GRID1: variants seen among roughly 807,000 people sequenced by gnomAD.
GRID1 encodes the protein glutamate receptor ionotropic, delta-1.
In GRID1, 28 loss-of-function variants were observed where a neutral mutation model predicts 98.0. The observed-to-expected ratio is 0.29, with a 90% CI of 0.21 to 0.39. The LOEUF (loss-of-function observed/expected upper bound fraction) is 0.39. Among genes scored for constraint, GRID1 ranks in the 10% least tolerant of loss-of-function variants. The probability of loss-of-function intolerance (pLI) is 1.00; values close to 1 mark genes in which losing one functional copy is unlikely to be tolerated. For missense variants in GRID1, 1,111 were observed against 1,340.5 expected (o/e 0.83, Z 2.67); for synonymous variants, 553 against 538.5 (o/e 1.03, Z -0.37).
intron 15 of GRID1, among the ~76,000 whole-genome samples, chr10:85,603,135 A>G (rs1185638726): frequency 6.6e-6 from 1 of 152,236 alleles, no homozygotes; most frequent in Non-Finnish European, 1.5e-5. Flanking sequence ...AAGACTTTGT[A>G]TGATCATCCC....
At chr10:85,905,110 G>T (rs1841441888) in intron 5 of GRID1, among the ~76,000 whole-genome samples, 1 of 151,498 alleles carries the variant, frequency 6.6e-6, no homozygotes, top group Non-Finnish European at 1.5e-5. Context: ...CAGAGAAAAA[G>T]AAGAAACATT....
At chr10:85,769,536 G>T (rs1186409959) in intron 8 of GRID1, among the ~76,000 whole-genome samples, 2 of 152,256 alleles carry the variant, frequency 1.3e-5, no homozygotes, top group African/African-American at 4.8e-5. Context: ...GCCTCACTCG[G>T]AAGTGCAAGG....
intron 8 of GRID1, among the ~76,000 whole-genome samples, chr10:85,849,816 A>G (rs1298758565): frequency 6.6e-6 from 1 of 152,110 alleles, no homozygotes; most frequent in Non-Finnish European, 1.5e-5. Context: ...ATGTGCTTCT[A>G]TGACTGTTTA....
intron 4 of GRID1, among the ~76,000 whole-genome samples, chr10:85,923,388 G>A (rs149668646): frequency 1.3e-5 from 2 of 152,274 alleles, no homozygotes; most frequent in East Asian, 3.9e-4. Flanking sequence ...ACAGCTCTGG[G>A]GGAGGCTGAG....
intron 8 of GRID1, among the ~76,000 whole-genome samples, chr10:85,807,494 G>T (rs187495449): frequency 2.5e-4 from 38 of 152,128 alleles, no homozygotes; most frequent in African/African-American, 8.7e-4. Context: ...CAAAAAGTTA[G>T]AAGTTTCAGA....
Position 85,916,260 on chromosome 10 carries a change from A to C in GRID1, c.727-21T>G, listed in dbSNP as rs772645858. Reference sequence around the variant, plus strand: ...ACGGCCTGCAGAGAGAAAAAGAACGAACATGAACAGAAGCAAGACAGAAGC... The same window carrying C: ...ACGGCCTGCAGAGAGAAAAAGAACGCACATGAACAGAAGCAAGACAGAAGC... On this transcript the variant is annotated intron_variant, in intron 4 of 15. Transcript: ENST00000327946. The surrounding 1 kb of genome is among the most constrained non-coding windows in gnomAD (Gnocchi z 4.0). 25 of 1,592,842 alleles carry C rather than the reference A, an allele frequency of 1.6e-5. No homozygotes were observed. The highest frequency in any genetic ancestry group is 2.2e-5 in the Non-Finnish European group (25 of 1,160,824).
intron 5 of GRID1, among the ~76,000 whole-genome samples, chr10:85,873,530 T>C (rs1224895942): frequency 2.0e-5 from 3 of 152,246 alleles, no homozygotes; most frequent in African/African-American, 7.2e-5. Context: ...AATAAAATGA[T>C]TTCAGTGCGC....
chr10:85,838,549 C>G (rs1230957176), intron 8 of GRID1, among the ~76,000 whole-genome samples: 1 of 152,102 alleles, frequency 6.6e-6, no homozygotes, highest in Non-Finnish European at 1.5e-5. Flanking sequence ...AATTTCATAT[C>G]CAGCCAAACT....
At chr10:85,697,432 C>A (rs555697715) in intron 12 of GRID1, among the ~76,000 whole-genome samples, 4 of 152,248 alleles carry the variant, frequency 2.6e-5, no homozygotes, top group African/African-American at 9.6e-5. Context: ...TATAGCCTCA[C>A]CAGCTTTCTT....
intron 5 of GRID1, among the ~76,000 whole-genome samples, chr10:85,908,558 T>C (rs1420742056): frequency 2.6e-5 from 4 of 152,180 alleles, no homozygotes; most frequent in African/African-American, 4.8e-5. Flanking sequence ...ATTAGGAAGA[T>C]ATGTCTTGTT....
At chr10:85,796,758 G>A (rs1003119464) in intron 8 of GRID1, among the ~76,000 whole-genome samples, 4 of 151,204 alleles carry the variant, frequency 2.6e-5, no homozygotes, top group African/African-American at 9.7e-5. Flanking sequence ...CTTTTCAAGA[G>A]CAACAGAAGC....
intron 8 of GRID1, among the ~76,000 whole-genome samples, chr10:85,821,385 C>G (rs1421233165): frequency 6.6e-6 from 1 of 151,278 alleles, no homozygotes; most frequent in East Asian, 1.9e-4. Context: ...GGCATGGTGG[C>G]AGGTGCGTGT....
intron 2 of GRID1, among the ~76,000 whole-genome samples, chr10:86,273,175 C>T (rs915190296): frequency 1.2e-4 from 18 of 151,320 alleles, no homozygotes; most frequent in Non-Finnish European, 1.8e-4. Flanking sequence ...TGGTTTTTTG[C>T]CCTTGCGATA....
chr10:85,722,457 G>A (rs1425919269), intron 12 of GRID1, among the ~76,000 whole-genome samples: 3 of 151,840 alleles, frequency 2.0e-5, no homozygotes, highest in Non-Finnish European at 2.9e-5. Flanking sequence ...GAGTTATTTC[G>A]CTATATTGAG....
At chr10:85,702,489 A>G (rs1215109675) in intron 12 of GRID1, among the ~76,000 whole-genome samples, 3 of 152,132 alleles carry the variant, frequency 2.0e-5, no homozygotes, top group African/African-American at 7.2e-5. Flanking sequence ...ATGCAAATAA[A>G]TGGGATATAA....
At chr10:86,069,697 G>A (rs930093655) in intron 4 of GRID1, among the ~76,000 whole-genome samples, 3 of 152,158 alleles carry the variant, frequency 2.0e-5, no homozygotes, top group Non-Finnish European at 2.9e-5. Flanking sequence ...CATCCTGAAC[G>A]GCCAAGAAGC....
intron 4 of GRID1, among the ~76,000 whole-genome samples, chr10:86,134,674 A>AC (rs1473339504): frequency 6.6e-6 from 1 of 152,056 alleles, no homozygotes; most frequent in Non-Finnish European, 1.5e-5. Flanking sequence ...TGCATCACAC[A>AC]CAAGTTCCTG....
At chr10:85,963,022 T>C (rs1458194491) in intron 4 of GRID1, among the ~76,000 whole-genome samples, 2 of 152,184 alleles carry the variant, frequency 1.3e-5, no homozygotes, top group African/African-American at 4.8e-5. Context: ...TAAGAGGAGC[T>C]GCCCAACCCA....
chr10:86,054,948 A>G (rs1386254720), intron 4 of GRID1, among the ~76,000 whole-genome samples: 1 of 152,196 alleles, frequency 6.6e-6, no homozygotes, highest in African/African-American at 2.4e-5. Context: ...CCTAGATCTC[A>G]AGAGCTCTTG....
Sources: gnomAD v4.1 joint callset for allele counts (sites outside exome capture counted in the v4.1 genomes callset) on GRCh38, gnomAD v4.1.1 for gene constraint, Gnocchi (gnomAD v3.1) non-coding constraint, MANE v1.5 for transcripts, NCBI Gene and HGNC (gene_info 2026-07-23, HGNC 2026-07-21) for gene names.